The following PYGM variants were observed in gnomAD, a reference collection of about 807,000 sequenced individuals.
The protein encoded by PYGM is glycogen phosphorylase, muscle form.
PYGM carries 81 observed loss-of-function variants against 99.3 expected under a neutral mutation model. The ratio of observed to expected loss-of-function variants is 0.82; its 90% confidence interval spans 0.68 to 0.98. PYGM has a LOEUF of 0.98. Among genes scored for constraint, PYGM ranks in the 50% least tolerant of loss-of-function variants. The pLI is 0.00. For missense variants in PYGM, 1,030 were observed against 1,158.1 expected, an observed-to-expected ratio of 0.89 and a Z score of 1.61; for synonymous variants, 436 against 451.5, an observed-to-expected ratio of 0.97 and a Z score of 0.44.
chr11:64,751,803 G>A (rs1179984509), intron 14 of PYGM, 121 bp downstream of exon 14: 1 of 1,532,910 alleles, frequency 6.5e-7, no homozygotes, highest in East Asian at 2.3e-5. Context: ...TGTGAAATGG[G>A]GATAATTCCA....
At chr11:64,752,264 C>A in intron 13 of PYGM, 139 bp downstream of exon 13, 1 of 1,304,546 alleles carries the variant, frequency 7.7e-7, no homozygotes, top group Non-Finnish European at 1.1e-6. Flanking sequence ...TGCCTTCCCA[C>A]CACAGACTCC....
chr11:64,756,565 T>C (rs2058395728), intron 5 of PYGM, among the ~76,000 whole-genome samples: 1 of 152,180 alleles, frequency 6.6e-6, no homozygotes, highest in African/African-American at 2.4e-5. Context: ...ATTCTCTGGC[T>C]TCAGCCTCCT....
chr11:64,754,601 TATCTA>T lies in PYGM; in HGVS notation c.999+87_999+91del. On this transcript the variant is annotated intron_variant, in intron 8 of 19. Transcript: ENST00000164139. The surrounding 1 kb of genome is among the most constrained non-coding windows in gnomAD (Gnocchi z 5.5). Reference sequence around the variant, plus strand: ...CCCACACTCCCAGTCTCCACTCCCTTATCTATTACATGGGGCAGGCAGGCCGAGGC... The same window carrying T: ...CCCACACTCCCAGTCTCCACTCCCTTTTACATGGGGCAGGCAGGCCGAGGC... 5.3e-6 allele frequency: 8 copies of T among 1,518,650 alleles called. No homozygotes were observed. Among genetic ancestry groups the T allele is most frequent in the Non-Finnish European group, 7.2e-6 (8 of 1,113,420 alleles). 94.1% of individuals were successfully genotyped at this position (1,518,650 alleles called of 1,614,324 possible). A position where few individuals can be genotyped will look rare whatever the true frequency, so the allele number is the denominator to read the frequency against.
intron 1 of PYGM, 72 bp from the exon 2 acceptor site, chr11:64,758,776 G>A (rs533379666): frequency 1.0e-5 from 14 of 1,364,604 alleles, no homozygotes; most frequent in Admixed American, 5.1e-5. Flanking sequence ...GCCCAGCCAC[G>A]CCTGGACCTC....
chr11:64,752,370 A>G (rs2058362686), intron 13 of PYGM, 33 bp downstream of exon 13: 1 of 1,602,774 alleles, frequency 6.2e-7, no homozygotes, highest in African/African-American at 1.3e-5. Flanking sequence ...CTCTCCACAC[A>G]GCACAGCTGT....
At chr11:64,752,304 C>T in intron 13 of PYGM, 99 bp downstream of exon 13, 2 of 1,459,952 alleles carry the variant, frequency 1.4e-6, no homozygotes. Flanking sequence ...CCTGGGCTGG[C>T]AGGAGAGATG....
rs1262967083 is a variant in PYGM, at chr11:64,758,245, C to T, written c.528+1G>A. ...CACAAGTTAGAGCCAAGGCTGCTCA[C>T]CTGCCAGCCCCCGGAGATCTTCTGG... On this transcript the variant is annotated splice_donor_variant, in intron 4 of 19. Coordinates refer to ENST00000164139, the MANE Select transcript of PYGM (RefSeq NM_005609.4). LOFTEE classifies it high-confidence loss of function. The T allele has an allele frequency of 6.2e-7, 1 of 1,610,382 alleles. No homozygotes were observed. The highest frequency in any genetic ancestry group is 8.5e-7 in the Non-Finnish European group (1 of 1,176,540).
Position 64,754,806 on chromosome 11 carries a change from G to T in PYGM, c.886C>A (p.Gln296Lys). 1 of 1,613,982 alleles carries T rather than the reference G, an allele frequency of 6.2e-7. No homozygotes were observed. The highest frequency in any genetic ancestry group is 8.5e-7 in the Non-Finnish European group (1 of 1,180,006). The change falls in exon 8 of 20, where the codon CAG (glutamine) becomes AAG (lysine). Residue 296 changes from glutamine to lysine, a missense_variant. By Grantham distance (53) the Gln-to-Lys change is moderately conservative. Transcript: ENST00000164139. The surrounding 1 kb of genome is among the most constrained non-coding windows in gnomAD (Gnocchi z 5.5). ...FFEGKELRLKQEYFVVAATLQ... is the reference protein window; with the variant it reads ...FFEGKELRLKKEYFVVAATLQ... ...GTGGCAGCCACCACGAAATACTCCT[G>T]CTTCAGCCGCAGCTCCTTCCCTTCG...
At chr11:64,752,369 C>A in intron 13 of PYGM, 34 bp downstream of exon 13, 1 of 1,602,524 alleles carries the variant, frequency 6.2e-7, no homozygotes, top group Non-Finnish European at 8.6e-7. Flanking sequence ...GCTCTCCACA[C>A]AGCACAGCTG....
chr11:64,756,348 A>G (rs758885190), intron 5 of PYGM, among the ~76,000 whole-genome samples: 11 of 152,216 alleles, frequency 7.2e-5, no homozygotes, highest in African/African-American at 9.7e-5. Flanking sequence ...GGAGGACAAC[A>G]AACAAATGCT....
In PYGM at chr11:64,755,315, G is replaced by T; in HGVS notation, c.813C>A (p.Asn271Lys). Residue 271 changes from asparagine to lysine, a missense_variant, in exon 7 of 20, where the codon AAC becomes AAA. Transcript: ENST00000164139. This position sits in a 1 kb window ranked among gnomAD's most constrained non-coding sequence, Gnocchi z 4.1. ...GGYIQAVLDR[N>K]LAENISRVLY... ...GGACACGAGAGATGTTCTCCGCCAG[G>T]TTTCGGTCCAACACAGCCTGGATGT... 6.2e-7 allele frequency: 1 copy of T among 1,614,150 alleles called. No homozygotes were observed. The highest frequency in any genetic ancestry group is 8.5e-7 in the Non-Finnish European group (1 of 1,180,016).
chr11:64,752,554 C>T, intron 12 of PYGM, 50 bp from the exon 13 acceptor site: 1 of 1,540,542 alleles, frequency 6.5e-7, no homozygotes, highest in Non-Finnish European at 8.9e-7. Flanking sequence ...CCTCCCTCCT[C>T]CCAACACAGA....
intron 10 of PYGM, 54 bp from the exon 11 acceptor site, chr11:64,753,736 TC>T: frequency 6.5e-7 from 1 of 1,530,758 alleles, no homozygotes; most frequent in African/African-American, 1.4e-5. Context: ...CCATCCCCAG[TC>T]CCCAGCCCCA....
rs1158263264 is a variant in PYGM, at chr11:64,752,182, A to G, written c.1621-111T>C. The G allele has an allele frequency of 3.4e-6, 5 of 1,454,806 alleles. No individual in the cohort carries two copies. In the African/African-American group the frequency reaches 5.6e-5, roughly 16 times the overall value. The allele number at this position is 1,454,806 out of a possible 1,614,324, so 90.1% of individuals were successfully genotyped here. A position where few individuals can be genotyped will look rare whatever the true frequency, so the allele number is the denominator to read the frequency against. On this transcript the variant is annotated intron_variant, in intron 13 of 19. Transcript: ENST00000164139. ...ATGGCTACCAGGAGGCTCACTGGCT[A>G]CTTCTGTCCACTCCTGTACCAGGGC...
At chr11:64,757,183 A>C (rs2058399315) in intron 5 of PYGM, among the ~76,000 whole-genome samples, 1 of 152,130 alleles carries the variant, frequency 6.6e-6, no homozygotes, top group Admixed American at 6.5e-5. Flanking sequence ...TTGGCCTCCC[A>C]AAGTGCTGGG....
Position 64,754,045 on chromosome 11 carries a change from G to A in PYGM, c.1093-20C>T. 1 of 1,596,334 alleles carries A rather than the reference G, an allele frequency of 6.3e-7. No individual in the cohort carries two copies. The highest frequency in any genetic ancestry group is 1.3e-5 in the African/African-American group (1 of 74,616). ...CCACGCCTGGCACACGGGGTGGGCA[G>A]TCAGGATGCTGACCTCAGCCCAGTG... On this transcript the variant is annotated intron_variant, in intron 9 of 19. Transcript: ENST00000164139. The surrounding 1 kb of genome is among the most constrained non-coding windows in gnomAD (Gnocchi z 5.5).
At chr11:64,757,936 A>AAGGCCAGCAGTATCAGTAC in intron 4 of PYGM, 26 bp from the exon 5 acceptor site, 1 of 1,613,422 alleles carries the variant, frequency 6.2e-7, no homozygotes, top group Non-Finnish European at 8.5e-7. Flanking sequence ...GTCAGGGAGA[A>AAGGCCAGCAGTATCAGTAC]AGGCCAGCAG....
intron 14 of PYGM, 125 bp from the exon 15 acceptor site, chr11:64,751,780 C>G (rs1467741779): frequency 6.6e-7 from 1 of 1,512,886 alleles, no homozygotes; most frequent in Non-Finnish European, 9.1e-7. Context: ...CTCTTAGCCT[C>G]AGTTTGCCCA....
At chr11:64,746,836 A>G in intron 19 of PYGM, 28 bp from the exon 20 acceptor site, 1 of 1,614,004 alleles carries the variant, frequency 6.2e-7, no homozygotes, top group Non-Finnish European at 8.5e-7. Flanking sequence ...GCTCTGGTTC[A>G]CTCTGCTGGC....
Sources: gnomAD v4.1 joint callset for allele counts (sites outside exome capture counted in the v4.1 genomes callset) on GRCh38, gnomAD v4.1.1 for gene constraint, Gnocchi (gnomAD v3.1) non-coding constraint, MANE v1.5 for transcripts, NCBI Gene and HGNC (gene_info 2026-07-23, HGNC 2026-07-21) for gene names.